FMNL2: variants seen among roughly 807,000 people sequenced by gnomAD.
FMNL2 encodes formin like 2, also known as formin-like protein 2.
FMNL2 carries 51 observed loss-of-function variants against 130.2 expected under a neutral mutation model. The observed-to-expected ratio is 0.39, with a 90% CI of 0.31 to 0.49. The LOEUF (loss-of-function observed/expected upper bound fraction) is 0.49. Among genes scored for constraint, FMNL2 ranks in the 20% least tolerant of loss-of-function variants. FMNL2 has a pLI of 0.85. For synonymous variants in FMNL2, 465 were observed against 467.1 expected (o/e 1.00, Z 0.06); for missense variants, 977 against 1,316.2 (o/e 0.74, Z 3.99).
At chr2:152,482,229 T>C (rs929222609) in intron 1 of FMNL2, among the ~76,000 whole-genome samples, 1 of 152,216 alleles carries the variant, frequency 6.6e-6, no homozygotes, top group African/African-American at 2.4e-5. Context: ...TAAAAAATAC[T>C]TAAGTCTACT....
intron 1 of FMNL2, among the ~76,000 whole-genome samples, chr2:152,467,856 A>G (rs1225792494): frequency 6.6e-6 from 1 of 152,144 alleles, no homozygotes; most frequent in Non-Finnish European, 1.5e-5. Flanking sequence ...GTGCTAAGCT[A>G]TGTGTGTTTT....
At chr2:152,486,886 T>TAAACAAAA (rs1432479935) in intron 1 of FMNL2, among the ~76,000 whole-genome samples, 1 of 152,238 alleles carries the variant, frequency 6.6e-6, no homozygotes, top group Non-Finnish European at 1.5e-5. Flanking sequence ...TTTAGGAATA[T>TAAACAAAA]TCTAGCAAAA....
intron 14 of FMNL2, 145 bp from the exon 15 acceptor site, chr2:152,619,364 C>T: frequency 7.3e-7 from 1 of 1,370,122 alleles, no homozygotes; most frequent in Non-Finnish European, 9.8e-7. Flanking sequence ...TCCCACATGT[C>T]AATGAGGACA....
intron 1 of FMNL2, among the ~76,000 whole-genome samples, chr2:152,359,995 C>T (rs1683067598): frequency 6.6e-6 from 1 of 152,146 alleles, no homozygotes; most frequent in Admixed American, 6.6e-5. Flanking sequence ...AGTGGAGGGC[C>T]TGGAGTAGAT....
In FMNL2 at chr2:152,375,875, CTCTATATA is replaced by C. The variant is rs2105877399; in HGVS notation, c.117+40157_117+40164del. ...GCTCTCTCTCTCTCTCTCTCTCTCT[CTCTATATA>C]TATATATATATATAATTATTATTAT... On this transcript the variant is annotated intron_variant, in intron 1 of 25. Transcript: ENST00000288670. 1.8e-5 allele frequency among the ~76,000 whole-genome samples: 2 copies of C among 112,832 alleles called. 1 individual carries two copies. The highest frequency in any genetic ancestry group is 7.2e-4 in the South Asian group (2 of 2,794). The allele number at this position is 112,832 out of a possible 152,430, so 74.0% of individuals were successfully genotyped here.
chr2:152,459,008 G>A (rs10432494), intron 1 of FMNL2, among the ~76,000 whole-genome samples: 42,909 of 152,106 alleles, frequency 0.28, 6,482 homozygotes, highest in East Asian at 0.58. Flanking sequence ...CTATGTCCCA[G>A]AGTGGACATG....
At chr2:152,525,825 T>C (rs1693358264) in intron 2 of FMNL2, among the ~76,000 whole-genome samples, 2 of 152,190 alleles carry the variant, frequency 1.3e-5, no homozygotes, top group South Asian at 4.1e-4. Context: ...CCAGTGGCAC[T>C]AAGAAGCCTC....
chr2:152,467,054 T>A (rs1327370495), intron 1 of FMNL2, among the ~76,000 whole-genome samples: 1 of 152,202 alleles, frequency 6.6e-6, no homozygotes, highest in Non-Finnish European at 1.5e-5. Flanking sequence ...ACTCCTACAA[T>A]GAGGCAAGCC....
At chr2:152,359,957 T>G (rs1683064771) in intron 1 of FMNL2, among the ~76,000 whole-genome samples, 1 of 152,238 alleles carries the variant, frequency 6.6e-6, no homozygotes, top group African/African-American at 2.4e-5. Context: ...ATTCAACTAC[T>G]CTGTCCTCTT....
At position 152,530,894 on chromosome 2, in the gene FMNL2, G is replaced by A. The variant is rs549735922; in HGVS notation, c.201+8868G>A. Among the ~76,000 whole-genome samples, 3 of 152,324 alleles carry A rather than the reference G, an allele frequency of 2.0e-5. No individual in the cohort carries two copies. The East Asian group carries it at 5.8e-4, about 29-fold the overall frequency. ...GTTTAAATTTCTAATGATACTGTAGGTATTTGGGAGTACAGCAAGACTGGA... is the reference window on the plus strand; with the variant it reads ...GTTTAAATTTCTAATGATACTGTAGATATTTGGGAGTACAGCAAGACTGGA... On this transcript the variant is annotated intron_variant, in intron 2 of 25. Coordinates refer to ENST00000288670, the MANE Select transcript of FMNL2 (RefSeq NM_052905.4).
At position 152,626,593 on chromosome 2, in the gene FMNL2, T is replaced by G; in HGVS notation, c.2031T>G (p.Ser677=). Residue 677 remains serine (S), a synonymous_variant, in exon 17 of 26, where the codon TCT becomes TCG. Transcript: ENST00000288670. ...CCCAAGGACCTGCCATTGATCTTTC[T>G]TCAAGCAAACAGAAGATACCACAGA... ...TKAQGPAIDL[S]SSKQKIPQKG... 1 of 1,612,758 alleles carries G rather than the reference T, an allele frequency of 6.2e-7. No homozygotes were observed. The highest frequency in any genetic ancestry group is 8.5e-7 in the Non-Finnish European group (1 of 1,179,370).
At chr2:152,474,688 A>C (rs1035216174) in intron 1 of FMNL2, among the ~76,000 whole-genome samples, 3 of 152,082 alleles carry the variant, frequency 2.0e-5, no homozygotes, top group African/African-American at 7.3e-5. Flanking sequence ...TCTGTCTAAA[A>C]AAAAAACAAA....
chr2:152,473,247 G>C (rs1689954366), intron 1 of FMNL2, among the ~76,000 whole-genome samples: 1 of 151,998 alleles, frequency 6.6e-6, no homozygotes, highest in Non-Finnish European at 1.5e-5. Flanking sequence ...CACTCTGTCT[G>C]CCAGGCTGGA....
chr2:152,412,476 A>T lies in FMNL2; in HGVS notation c.117+76756A>T, dbSNP rs1401940032. On this transcript the variant is annotated intron_variant, in intron 1 of 25. Transcript: ENST00000288670. ...TATATATATATATATATATATATAT[A>T]TATATATATATATATATATATATAT... is the stretch of plus-strand genomic sequence containing the variant. Among the ~76,000 whole-genome samples, 45 of 97,828 alleles carry T rather than the reference A, an allele frequency of 4.6e-4. 1 individual carries two copies. Among genetic ancestry groups the T allele is most frequent in the Non-Finnish European group, 7.7e-4 (41 of 53,172 alleles). The allele number at this position is 97,828 out of a possible 152,430, so 64.2% of individuals were successfully genotyped here.
chr2:152,489,765 G>T (rs1691039040), intron 1 of FMNL2, among the ~76,000 whole-genome samples: 1 of 152,116 alleles, frequency 6.6e-6, no homozygotes, highest in African/African-American at 2.4e-5. Context: ...ACACTTTATA[G>T]ACTGAAACAA....
chr2:152,448,038 G>A (rs759548401), intron 1 of FMNL2, among the ~76,000 whole-genome samples: 3 of 152,086 alleles, frequency 2.0e-5, no homozygotes, highest in Non-Finnish European at 2.9e-5. Flanking sequence ...CTTCATTGAT[G>A]TATTACTCAC....
intron 1 of FMNL2, chr2:152,390,286 C>A: frequency 7.4e-7 from 1 of 1,356,640 alleles, no homozygotes; most frequent in East Asian, 2.3e-5. Flanking sequence ...GGGCAGCCAG[C>A]AATCATCGAT....
chr2:152,470,399 A>T (rs895487694), intron 1 of FMNL2, among the ~76,000 whole-genome samples: 1 of 152,218 alleles, frequency 6.6e-6, no homozygotes, highest in Non-Finnish European at 1.5e-5. Flanking sequence ...TCACTTGAAG[A>T]TTTAGATGAA....
chr2:152,483,936 G>C (rs1690673126), intron 1 of FMNL2, among the ~76,000 whole-genome samples: 3 of 152,196 alleles, frequency 2.0e-5, no homozygotes, highest in Admixed American at 1.3e-4. Flanking sequence ...AAGGAATGCA[G>C]TTTGCTTGAG....
Sources: gnomAD v4.1 joint callset for allele counts (sites outside exome capture counted in the v4.1 genomes callset) on GRCh38, gnomAD v4.1.1 for gene constraint, MANE v1.5 for transcripts, NCBI Gene and HGNC (gene_info 2026-07-23, HGNC 2026-07-21) for gene names.